ARHGAP15: variants seen among roughly 807,000 people sequenced by gnomAD.
The protein encoded by ARHGAP15 is Rho GTPase activating protein 15.
ARHGAP15 carries 51 observed loss-of-function variants against 63.7 expected under a neutral mutation model. The ratio of observed to expected loss-of-function variants is 0.80; its 90% confidence interval spans 0.64 to 1.01. ARHGAP15 has a LOEUF of 1.01. Among genes scored for constraint, ARHGAP15 ranks in the 50% least tolerant of loss-of-function variants. The pLI, the probability that ARHGAP15 is intolerant of heterozygous loss-of-function variation, is 0.00. For missense variants in ARHGAP15, 560 were observed against 564.6 expected (o/e 0.99, Z 0.08); for synonymous variants, 191 against 193.8 (o/e 0.99, Z 0.12).
intron 12 of ARHGAP15, among the ~76,000 whole-genome samples, chr2:143,703,157 C>G (rs1684166687): frequency 6.6e-6 from 1 of 152,144 alleles, no homozygotes; most frequent in African/African-American, 2.4e-5. Flanking sequence ...TTCAAAGAAG[C>G]AGAAAGGAGA....
At chr2:143,416,853 G>T (rs575517620) in intron 6 of ARHGAP15, among the ~76,000 whole-genome samples, 6 of 39,194 alleles carry the variant, frequency 1.5e-4, no homozygotes, top group Non-Finnish European at 2.9e-4. Flanking sequence ...ACGCCCCCAC[G>T]CCCCCAACAC....
chr2:143,532,478 GTT>G (rs913717307), intron 10 of ARHGAP15, among the ~76,000 whole-genome samples: 1 of 152,132 alleles, frequency 6.6e-6, no homozygotes, highest in Non-Finnish European at 1.5e-5. Context: ...CTTTTCACAA[GTT>G]TTTTTATGGA....
intron 11 of ARHGAP15, among the ~76,000 whole-genome samples, chr2:143,578,426 A>G (rs1696759510): frequency 6.6e-6 from 1 of 152,218 alleles, no homozygotes; most frequent in African/African-American, 2.4e-5. Flanking sequence ...CAGAATAATG[A>G]TGTGGAATTA....
At position 143,730,164 on chromosome 2, in the gene ARHGAP15, C is replaced by T. The variant is rs533680336; in HGVS notation, c.1244+26640C>T. ...AGGGTTTGTTAGTAACATGACTGGG[C>T]ATATACTAGAGTAGAAATTCCAAAA... On this transcript the variant is annotated intron_variant, in intron 13 of 13. Transcript: ENST00000295095. Among the ~76,000 whole-genome samples, 6 of 152,286 alleles carry T rather than the reference C, an allele frequency of 3.9e-5. No individual in the cohort carries two copies. The East Asian group carries it at 1.2e-3, about 29-fold the overall frequency.
chr2:143,360,539 C>G (rs1386949005), intron 6 of ARHGAP15, among the ~76,000 whole-genome samples: 1 of 151,920 alleles, frequency 6.6e-6, no homozygotes, highest in Non-Finnish European at 1.5e-5. Context: ...AGATATATTT[C>G]CTCTGTCCAA....
At chr2:143,486,376 G>A (rs1306759010) in intron 8 of ARHGAP15, among the ~76,000 whole-genome samples, 2 of 146,148 alleles carry the variant, frequency 1.4e-5, no homozygotes, top group Non-Finnish European at 3.0e-5. Flanking sequence ...TTCGAGACCA[G>A]CCTGAGCAAT....
intron 4 of ARHGAP15, among the ~76,000 whole-genome samples, chr2:143,221,936 C>T (rs923121155): frequency 1.3e-5 from 2 of 152,182 alleles, no homozygotes; most frequent in Admixed American, 6.5e-5. Context: ...TTTGTTTTAA[C>T]AGTTGTTATT....
chr2:143,312,673 T>C (rs549545060), intron 6 of ARHGAP15, among the ~76,000 whole-genome samples: 11 of 152,308 alleles, frequency 7.2e-5, no homozygotes, highest in African/African-American at 2.6e-4. Flanking sequence ...CGTTTTTGCT[T>C]CGCTAATTCA....
intron 1 of ARHGAP15, among the ~76,000 whole-genome samples, chr2:143,134,151 CTACCTAT>C (rs1573989941): frequency 5.1e-4 from 9 of 17,716 alleles, no homozygotes; most frequent in South Asian, 2.1e-3. Flanking sequence ...ATCTATCTAT[CTACCTAT>C]CTATCTATCA....
At chr2:143,270,729 C>T (rs1198844360) in intron 6 of ARHGAP15, among the ~76,000 whole-genome samples, 1 of 152,058 alleles carries the variant, frequency 6.6e-6, no homozygotes, top group African/African-American at 2.4e-5. Flanking sequence ...AATCAAGTCT[C>T]CTGGTCAACT....
intron 8 of ARHGAP15, among the ~76,000 whole-genome samples, chr2:143,465,244 G>C (rs980085003): frequency 6.6e-6 from 1 of 152,174 alleles, no homozygotes; most frequent in African/African-American, 2.4e-5. Flanking sequence ...AGAATCAAGA[G>C]AGGGAGGACA....
At chr2:143,684,939 TAATG>T (rs1252059601) in intron 12 of ARHGAP15, among the ~76,000 whole-genome samples, 9 of 152,172 alleles carry the variant, frequency 5.9e-5, no homozygotes, top group Non-Finnish European at 1.2e-4. Context: ...GCAGAATAAT[TAATG>T]AATGGTGTCC....
chr2:143,485,431 G>A (rs1414930884), intron 8 of ARHGAP15, among the ~76,000 whole-genome samples: 5 of 152,108 alleles, frequency 3.3e-5, no homozygotes, highest in Admixed American at 1.3e-4. Flanking sequence ...ATGAGATTGT[G>A]TATATATACA....
At chr2:143,354,484 C>T (rs970863523) in intron 6 of ARHGAP15, among the ~76,000 whole-genome samples, 1 of 151,906 alleles carries the variant, frequency 6.6e-6, no homozygotes, top group Non-Finnish European at 1.5e-5. Context: ...ACGGAAGGCA[C>T]CAGTTTAATG....
intron 5 of ARHGAP15, chr2:143,237,328 C>T (rs944916257): frequency 3.9e-5 from 6 of 152,080 alleles, no homozygotes; most frequent in Admixed American, 2.0e-4. Context: ...AATTGTAAAA[C>T]GGCTGTGTGT....
chr2:143,703,341 TC>T (rs1684176034), intron 12 of ARHGAP15, 77 bp from the exon 13 acceptor site: 1 of 1,194,230 alleles, frequency 8.4e-7, no homozygotes, highest in Admixed American at 2.5e-5. Context: ...CAAAATTTTC[TC>T]AAGAAAATTT....
At chr2:143,229,625 T>A (rs773371267) in intron 5 of ARHGAP15, among the ~76,000 whole-genome samples, 6 of 152,106 alleles carry the variant, frequency 3.9e-5, no homozygotes, top group Non-Finnish European at 5.9e-5. Flanking sequence ...CCCATCGGCC[T>A]GATGGATGAT....
intron 10 of ARHGAP15, among the ~76,000 whole-genome samples, chr2:143,539,187 C>T (rs1694922709): frequency 6.6e-6 from 1 of 152,186 alleles, no homozygotes; most frequent in South Asian, 2.1e-4. Context: ...ATAGCATTCT[C>T]TGATGGTAGT....
chr2:143,722,953 T>C (rs1685127199), intron 13 of ARHGAP15, among the ~76,000 whole-genome samples: 1 of 152,230 alleles, frequency 6.6e-6, no homozygotes, highest in African/African-American at 2.4e-5. Context: ...TCTGCTTTTG[T>C]ATTTAAGTAC....
Sources: allele counts gnomAD v4.1 joint callset (sites outside exome capture counted in the v4.1 genomes callset), GRCh38; gene constraint gnomAD v4.1.1; transcripts MANE v1.5; gene names NCBI Gene and HGNC (gene_info 2026-07-23, HGNC 2026-07-21).